The following CSMD1 variants were observed in gnomAD, a reference collection of about 807,000 sequenced individuals.
The protein encoded by CSMD1 is CUB and sushi domain-containing protein 1.
Under a neutral mutation model 417.5 loss-of-function variants are expected in CSMD1, and 213 were observed. The observed-to-expected ratio is 0.51, with a 90% CI of 0.46 to 0.57. The LOEUF is 0.57. Among genes scored for constraint, CSMD1 ranks in the 20% least tolerant of loss-of-function variants. CSMD1 has a pLI of 0.00. For synonymous variants in CSMD1, 2,862 were observed against 1,736.8 expected, an observed-to-expected ratio of 1.65 and a Z score of -16.11; for missense variants, 6,923 against 4,529.7, an observed-to-expected ratio of 1.53 and a Z score of -15.17.
intron 10 of CSMD1, among the ~76,000 whole-genome samples, chr8:3,540,608 G>C (rs563495799): frequency 1.3e-5 from 2 of 152,096 alleles, no homozygotes; most frequent in African/African-American, 4.8e-5. Flanking sequence ...CTACAGAATG[G>C]GAGAAAATTT....
chr8:3,147,560 G>A (rs74452497), intron 40 of CSMD1, among the ~76,000 whole-genome samples: 2,562 of 152,264 alleles, frequency 0.017, 46 homozygotes, highest in Non-Finnish European at 0.024. Flanking sequence ...AAGAGACCAC[G>A]GGAAGCTACA....
intron 5 of CSMD1, among the ~76,000 whole-genome samples, chr8:3,910,340 C>G (rs1354852513): frequency 6.6e-6 from 1 of 152,116 alleles, no homozygotes; most frequent in Non-Finnish European, 1.5e-5. Context: ...AAACTGACGA[C>G]AGGGTGGCAG....
intron 4 of CSMD1, among the ~76,000 whole-genome samples, chr8:4,012,832 C>A (rs926616749): frequency 6.6e-6 from 1 of 152,124 alleles, no homozygotes; most frequent in Admixed American, 6.5e-5. Context: ...TCCAGTGTTG[C>A]ACGAGAAGAC....
At chr8:4,234,484 C>G (rs546461759) in intron 3 of CSMD1, among the ~76,000 whole-genome samples, 28 of 152,228 alleles carry the variant, frequency 1.8e-4, no homozygotes, top group African/African-American at 6.7e-4. Flanking sequence ...ACCTGCTTAT[C>G]CTTGAGGTCT....
chr8:3,426,421 T>C (rs1193743171), intron 12 of CSMD1, among the ~76,000 whole-genome samples: 2 of 152,164 alleles, frequency 1.3e-5, no homozygotes, highest in Non-Finnish European at 2.9e-5. Context: ...ACTTTGCTTT[T>C]TTATTAAAAA....
At chr8:4,749,527 T>C (rs941724205) in intron 1 of CSMD1, among the ~76,000 whole-genome samples, 1 of 152,234 alleles carries the variant, frequency 6.6e-6, no homozygotes, top group Non-Finnish European at 1.5e-5. Context: ...ATTATTTTAT[T>C]TTTATTTTAC....
rs74756731 is a variant in CSMD1 at position 4,285,251 on chromosome 8, G to A, written c.415+134702C>T. 2.5e-3 allele frequency among the ~76,000 whole-genome samples: 380 copies of A among 152,256 alleles called. 1 individual carries two copies. Among genetic ancestry groups the A allele is most frequent in the African/African-American group, 6.8e-3 (281 of 41,546 alleles). The stretch of plus-strand genomic sequence containing the variant: ...ATCCGGTTTCATCATACAGCAGGCC[G>A]ACTGTAGCCTTAAATGCCATTTCGT... On this transcript the variant is annotated intron_variant, in intron 3 of 69. Transcript: ENST00000635120.
At chr8:4,841,908 T>A (rs113806185) in intron 1 of CSMD1, among the ~76,000 whole-genome samples, 1 of 25,890 alleles carries the variant, frequency 3.9e-5, no homozygotes, top group Non-Finnish European at 6.9e-5. Context: ...CAAAACTCCG[T>A]CTCAAAAAAA....
At chr8:4,601,454 T>C (rs2617096) in intron 2 of CSMD1, among the ~76,000 whole-genome samples, 121,090 of 152,056 alleles carry the variant, frequency 0.8, 49,047 homozygotes, top group Non-Finnish European at 0.87. Flanking sequence ...ATCTCATCTG[T>C]TCCTGAATGT....
At chr8:3,517,766 C>T (rs1169117974) in intron 10 of CSMD1, among the ~76,000 whole-genome samples, 1 of 152,098 alleles carries the variant, frequency 6.6e-6, no homozygotes, top group Non-Finnish European at 1.5e-5. Flanking sequence ...GAATTCAAGG[C>T]TGGGAAATTT....
chr8:4,693,195 T>C (rs1806888449), intron 1 of CSMD1, among the ~76,000 whole-genome samples: 1 of 152,208 alleles, frequency 6.6e-6, no homozygotes, highest in Non-Finnish European at 1.5e-5. Context: ...AGTAATGAAA[T>C]GTGAGACACC....
intron 3 of CSMD1, among the ~76,000 whole-genome samples, chr8:4,302,679 C>G (rs996473238): frequency 6.6e-6 from 1 of 152,134 alleles, no homozygotes; most frequent in Non-Finnish European, 1.5e-5. Context: ...AAGCATTCAT[C>G]TCTACTAAAC....
chr8:4,453,174 TCCATC>T (rs1799251738), intron 2 of CSMD1, among the ~76,000 whole-genome samples: 1 of 149,776 alleles, frequency 6.7e-6, no homozygotes, highest in Non-Finnish European at 1.5e-5. Flanking sequence ...CGTTCCCCCC[TCCATC>T]CCAACACACA....
intron 3 of CSMD1, among the ~76,000 whole-genome samples, chr8:4,160,483 G>A (rs192433389): frequency 1.0e-3 from 155 of 152,332 alleles, no homozygotes; most frequent in African/African-American, 3.4e-3. Context: ...TCTTCATGAG[G>A]TCCGAACATC....
intron 10 of CSMD1, among the ~76,000 whole-genome samples, chr8:3,553,506 C>A (rs1430963833): frequency 6.6e-6 from 1 of 152,182 alleles, no homozygotes; most frequent in East Asian, 1.9e-4. Context: ...TGCGTCAAAT[C>A]AACCATACTG....
At chr8:3,658,832 G>T (rs1010271045) in intron 7 of CSMD1, among the ~76,000 whole-genome samples, 9 of 152,046 alleles carry the variant, frequency 5.9e-5, no homozygotes, top group African/African-American at 2.2e-4. Flanking sequence ...TTTGAATTAT[G>T]GTTAATAACA....
In CSMD1 at chr8:3,367,020, A is replaced by G; in HGVS notation, c.3115+12T>C. ...TGCCAGAGGAGAGAAACAGCAAACA[A>G]GACCAACATACCTGAAAATGTGATA... is the stretch of plus-strand genomic sequence containing the variant. On this transcript the variant is annotated intron_variant, in intron 20 of 69. Transcript: ENST00000635120. 1.2e-6 allele frequency: 2 copies of G among 1,604,600 alleles called. No homozygotes were observed. Among genetic ancestry groups the G allele is most frequent in the Non-Finnish European group, 1.7e-6 (2 of 1,172,252 alleles).
At chr8:4,148,871 G>C (rs1220908460) in intron 3 of CSMD1, among the ~76,000 whole-genome samples, 2 of 152,178 alleles carry the variant, frequency 1.3e-5, no homozygotes, top group Non-Finnish European at 2.9e-5. Flanking sequence ...ACATGGTCGA[G>C]AGACACAGCC....
rs74418611 is a variant in CSMD1 at position 4,126,474 on chromosome 8, G to A, written c.416-94375C>T. The stretch of plus-strand genomic sequence containing the variant: ...AACATAGATTTCACTTGCTTAACCT[G>A]TGCACCCCACCTCCATGGGCACACT... On this transcript the variant is annotated intron_variant, in intron 3 of 69. Transcript: ENST00000635120. 1.3e-3 allele frequency among the ~76,000 whole-genome samples: 194 copies of A among 152,226 alleles called. 5 individuals carry two copies. In the East Asian group the frequency reaches 0.035, roughly 27 times the overall value.
Sources: allele counts gnomAD v4.1 joint callset (sites outside exome capture counted in the v4.1 genomes callset), GRCh38; gene constraint gnomAD v4.1.1; transcripts MANE v1.5; gene names NCBI Gene and HGNC (gene_info 2026-07-23, HGNC 2026-07-21).